Variants in CDC73 observed in about 807,000 individuals in gnomAD.
The protein encoded by CDC73 is cell division cycle 73, also known as parafibromin.
CDC73 carries 21 observed loss-of-function variants against 83.7 expected under a neutral mutation model. The ratio of observed to expected loss-of-function variants is 0.25; its 90% CI spans 0.18 to 0.36. The LOEUF (loss-of-function observed/expected upper bound fraction) is 0.36. CDC73 is among the 10% of genes least tolerant of loss of function. The pLI is 1.00. For synonymous variants in CDC73, 224 were observed against 212.9 expected, an observed-to-expected ratio of 1.05 and a Z score of -0.45; for missense variants, 342 against 653.3, an observed-to-expected ratio of 0.52 and a Z score of 5.19.
chr1:193,207,534 A>C (rs1677209339), intron 11 of CDC73, among the ~76,000 whole-genome samples: 1 of 152,080 alleles, frequency 6.6e-6, no homozygotes, highest in South Asian at 2.1e-4. Flanking sequence ...TCCCCCCAGA[A>C]ATGCATTCCT....
intron 10 of CDC73, among the ~76,000 whole-genome samples, chr1:193,190,882 A>G (rs1676907055): frequency 6.6e-6 from 1 of 152,150 alleles, no homozygotes; most frequent in Non-Finnish European, 1.5e-5. Context: ...GAGGTGTTCT[A>G]GAAGTTTGTG....
chr1:193,179,693 GAA>G (rs1309458354), intron 10 of CDC73: 5 of 152,402 alleles, frequency 3.3e-5, no homozygotes, highest in African/African-American at 1.2e-4. Context: ...ATTAATAAAA[GAA>G]ATTTAAAATA....
intron 10 of CDC73, among the ~76,000 whole-genome samples, chr1:193,201,102 T>C (rs1399093664): frequency 3.3e-5 from 5 of 151,978 alleles, no homozygotes; most frequent in Non-Finnish European, 7.4e-5. Flanking sequence ...GGGGTGGGTG[T>C]GTATACCAAC....
intron 10 of CDC73, among the ~76,000 whole-genome samples, chr1:193,193,894 C>A (rs1676960397): frequency 6.6e-6 from 1 of 151,424 alleles, no homozygotes; most frequent in Admixed American, 6.6e-5. Flanking sequence ...GTGTAGCTTC[C>A]TCAGTCAGTT....
At chr1:193,132,342 C>T (rs546847520) in intron 3 of CDC73, among the ~76,000 whole-genome samples, 98 of 152,202 alleles carry the variant, frequency 6.4e-4, no homozygotes, top group East Asian at 1.9e-4. Flanking sequence ...TGCAAAATGC[C>T]AAATCCCTGT....
At chr1:193,203,715 T>A in intron 10 of CDC73, 80 bp from the exon 11 acceptor site, 4 of 1,112,152 alleles carry the variant, frequency 3.6e-6, no homozygotes, top group Non-Finnish European at 5.5e-6. Context: ...CAGAGAGATA[T>A]GAGATTTCTT....
At chr1:193,164,081 G>T (rs1676391012) in intron 10 of CDC73, among the ~76,000 whole-genome samples, 1 of 152,132 alleles carries the variant, frequency 6.6e-6, no homozygotes, top group Admixed American at 6.6e-5. Flanking sequence ...CAGTATAGTA[G>T]ATTTTACAAA....
Position 193,252,612 on chromosome 1 carries a change from A to G in CDC73, c.*1900A>G, listed in dbSNP as rs1375958831. ...ACTGTAAAGGAACATTAGGAAAAGG[A>G]CAAATAGGCTATAACCATCTATCTT... is the stretch of plus-strand genomic sequence containing the variant. On this transcript the variant is annotated 3_prime_UTR_variant, in exon 17 of 17. Coordinates refer to ENST00000367435, the MANE Select transcript of CDC73 (RefSeq NM_024529.5). The G allele has an allele frequency of 1.3e-5, 3 of 231,466 alleles. No homozygotes were observed. In the Admixed American group the frequency reaches 1.7e-4, roughly 13 times the overall value. The allele number at this position is 231,466 out of a possible 1,614,324, so 14.3% of individuals were successfully genotyped here.
rs1418823358 is a variant in CDC73 at position 193,253,676 on chromosome 1, A to G, written c.*2964A>G. On this transcript the variant is annotated 3_prime_UTR_variant, in exon 17 of 17. Transcript: ENST00000367435. The stretch of plus-strand genomic sequence containing the variant: ...TCCATATAAAAACAACTAATTCATA[A>G]TGAGGAAAATCTCATAATTTTTAAG... The G allele has an allele frequency of 4.3e-6, 1 of 231,748 alleles. No homozygotes were observed. Among genetic ancestry groups the G allele is most frequent in the Admixed American group, 5.6e-5 (1 of 17,716 alleles). The allele number at this position is 231,748 out of a possible 1,614,324, so 14.4% of individuals were successfully genotyped here.
intron 15 of CDC73, among the ~76,000 whole-genome samples, chr1:193,241,216 G>A (rs1677852456): frequency 6.6e-6 from 1 of 152,166 alleles, no homozygotes; most frequent in Admixed American, 6.5e-5. Flanking sequence ...GATTGGGTGG[G>A]GCACTTTGGC....
At chr1:193,165,132 C>T (rs187080986) in intron 10 of CDC73, among the ~76,000 whole-genome samples, 1 of 152,280 alleles carries the variant, frequency 6.6e-6, no homozygotes, top group Non-Finnish European at 1.5e-5. Flanking sequence ...TCAAGCCATC[C>T]TCCTGCCTTA....
At chr1:193,225,597 A>G (rs1408503267) in intron 13 of CDC73, among the ~76,000 whole-genome samples, 2 of 152,084 alleles carry the variant, frequency 1.3e-5, no homozygotes, top group African/African-American at 4.8e-5. Flanking sequence ...GACTAGGGCC[A>G]TTCTTGCAGA....
intron 13 of CDC73, among the ~76,000 whole-genome samples, chr1:193,215,406 G>A (rs1253157427): frequency 6.6e-6 from 1 of 152,018 alleles, no homozygotes; most frequent in Non-Finnish European, 1.5e-5. Flanking sequence ...TTTTACCTCT[G>A]CCATTTAGTT....
At chr1:193,208,442 A>G (rs1172463134) in intron 11 of CDC73, among the ~76,000 whole-genome samples, 1 of 152,196 alleles carries the variant, frequency 6.6e-6, no homozygotes, top group African/African-American at 2.4e-5. Context: ...CATTGCTATT[A>G]TATTTTATTC....
chr1:193,211,993 C>A, intron 11 of CDC73, 72 bp from the exon 12 acceptor site: 1 of 1,191,870 alleles, frequency 8.4e-7, no homozygotes, highest in Non-Finnish European at 1.2e-6. Flanking sequence ...AAAAATATCC[C>A]TTATTTGTAA....
At position 193,125,224 on chromosome 1, in the gene CDC73, A is replaced by C; in HGVS notation, c.237+7A>C. ...TTATGTCCGACGTGCAGCTGTAAGT[A>C]GAATTCATTTTACTTATCTATCTAT... On this transcript the variant is annotated splice_region_variant and intron_variant, in intron 2 of 16. Transcript: ENST00000367435. 1 of 1,460,162 alleles carries C rather than the reference A, an allele frequency of 6.8e-7. No homozygotes were observed. The highest frequency in any genetic ancestry group is 9.6e-7 in the Non-Finnish European group (1 of 1,039,974). The allele number at this position is 1,460,162 out of a possible 1,614,324, so 90.5% of individuals were successfully genotyped here.
intron 10 of CDC73, among the ~76,000 whole-genome samples, chr1:193,189,589 C>T (rs1027255241): frequency 6.6e-6 from 1 of 152,144 alleles, no homozygotes; most frequent in Admixed American, 6.5e-5. Context: ...TTTAATCCTA[C>T]AACACATCCG....
chr1:193,215,792 G>C (rs1332283384), intron 13 of CDC73, among the ~76,000 whole-genome samples: 1 of 152,004 alleles, frequency 6.6e-6, no homozygotes, highest in Non-Finnish European at 1.5e-5. Context: ...GCTTAGCCAT[G>C]TTGCCCAGGC....
chr1:193,249,137 C>T (rs1678002490), intron 15 of CDC73, among the ~76,000 whole-genome samples: 1 of 151,988 alleles, frequency 6.6e-6, no homozygotes, highest in Admixed American at 6.6e-5. Context: ...TACAGCCACC[C>T]TAACCTTCAT....
Sources: gnomAD v4.1 joint callset for allele counts (sites outside exome capture counted in the v4.1 genomes callset) on GRCh38, gnomAD v4.1.1 for gene constraint, MANE v1.5 for transcripts, NCBI Gene and HGNC (gene_info 2026-07-23, HGNC 2026-07-21) for gene names.